The following OLA1 variants were observed in gnomAD, a reference collection of about 807,000 sequenced individuals.
The protein encoded by OLA1 is Obg like ATPase 1, also known as obg-like ATPase 1.
In OLA1, 14 loss-of-function variants were observed where a neutral mutation model predicts 48.4. That is an observed-to-expected ratio of 0.29 (90% CI 0.19 to 0.45). The LOEUF (loss-of-function observed/expected upper bound fraction) is 0.45. OLA1 is among the 20% of genes least tolerant of loss of function. The pLI, the probability that OLA1 is intolerant of heterozygous loss-of-function variation, is 1.00. For missense variants in OLA1, 325 were observed against 467.1 expected, an observed-to-expected ratio of 0.70 and a Z score of 2.80; for synonymous variants, 127 against 150.4, an observed-to-expected ratio of 0.84 and a Z score of 1.14.
intron 7 of OLA1, among the ~76,000 whole-genome samples, chr2:174,110,937 TA>T (rs1339850534): frequency 2.0e-5 from 3 of 152,186 alleles, no homozygotes; most frequent in African/African-American, 7.2e-5. Context: ...GTTTATTATG[TA>T]ATTACAACTG....
chr2:174,158,181 CACCAGG>C (rs1686930319), intron 4 of OLA1, among the ~76,000 whole-genome samples: 1 of 152,156 alleles, frequency 6.6e-6, no homozygotes, highest in Admixed American at 6.5e-5. Context: ...GAGCTATCAC[CACCAGG>C]TGGTGCCAAA....
intron 7 of OLA1, among the ~76,000 whole-genome samples, chr2:174,100,645 T>C (rs1685370315): frequency 6.6e-6 from 1 of 152,164 alleles, no homozygotes. Flanking sequence ...TGGCTTCAAA[T>C]GATCCCCGCC....
intron 4 of OLA1, among the ~76,000 whole-genome samples, chr2:174,147,824 GTTTA>G (rs558899835): frequency 7.0e-6 from 1 of 142,380 alleles, no homozygotes; most frequent in African/African-American, 2.5e-5. Flanking sequence ...TTGTTTGTTT[GTTTA>G]TTTATTTATT....
chr2:174,152,528 A>T (rs1326310013), intron 4 of OLA1, among the ~76,000 whole-genome samples: 14 of 152,264 alleles, frequency 9.2e-5, no homozygotes, highest in Non-Finnish European at 5.9e-5. Context: ...AATAACTAAT[A>T]GCACATTCTG....
chr2:174,208,754 A>G (rs1256212791), intron 4 of OLA1, among the ~76,000 whole-genome samples: 2 of 152,170 alleles, frequency 1.3e-5, no homozygotes, highest in African/African-American at 4.8e-5. Context: ...TCCCTCCTCC[A>G]TGCATATCCA....
At chr2:174,223,825 TA>T (rs1240752756) in intron 3 of OLA1, among the ~76,000 whole-genome samples, 2 of 130,510 alleles carry the variant, frequency 1.5e-5, no homozygotes, top group Non-Finnish European at 3.2e-5. Flanking sequence ...AGCATAGTAA[TA>T]ACCTAGCTGT....
In OLA1 at chr2:174,237,182, GCTTT is replaced by G. The variant is rs575611636; in HGVS notation, c.102-7735_102-7732del. On this transcript the variant is annotated intron_variant, in intron 2 of 10. Coordinates refer to ENST00000284719, the MANE Select transcript of OLA1 (RefSeq NM_013341.5). ...GCTTTTTTATATCTTTAAAATGTGT[GCTTT>G]TTTTAAAAACTTTTTTGTTAAACAC... Among the ~76,000 whole-genome samples the G allele has an allele frequency of 2.7e-5, 4 of 145,912 alleles. No individual in the cohort carries two copies. In the South Asian group the frequency reaches 8.5e-4, roughly 31 times the overall value.
At chr2:174,161,024 G>T (rs1207229308) in intron 4 of OLA1, among the ~76,000 whole-genome samples, 1 of 152,120 alleles carries the variant, frequency 6.6e-6, no homozygotes, top group African/African-American at 2.4e-5. Flanking sequence ...TCTTGGTAAT[G>T]GTGGAAAGAT....
intron 4 of OLA1, among the ~76,000 whole-genome samples, chr2:174,205,063 T>C (rs780638742): frequency 1.2e-4 from 19 of 152,232 alleles, no homozygotes; most frequent in Non-Finnish European, 2.4e-4. Context: ...AGTGTTAAGA[T>C]TGTGGTTCTA....
chr2:174,140,904 T>C (rs1686431109), intron 5 of OLA1, among the ~76,000 whole-genome samples: 1 of 152,056 alleles, frequency 6.6e-6, no homozygotes, highest in African/African-American at 2.4e-5. Context: ...CTCTTACTAG[T>C]TTCATTTTAT....
At chr2:174,148,448 T>G (rs1379665564) in intron 4 of OLA1, among the ~76,000 whole-genome samples, 1 of 152,054 alleles carries the variant, frequency 6.6e-6, no homozygotes, top group African/African-American at 2.4e-5. Flanking sequence ...CAAGGAGAAA[T>G]ACTCACATAA....
chr2:174,126,472 A>G (rs961782520), intron 5 of OLA1, among the ~76,000 whole-genome samples: 1 of 152,170 alleles, frequency 6.6e-6, no homozygotes, highest in Non-Finnish European at 1.5e-5. Flanking sequence ...CTCATTTTCA[A>G]AATAAATTCT....
intron 7 of OLA1, among the ~76,000 whole-genome samples, chr2:174,099,396 C>T (rs779622676): frequency 6.6e-6 from 1 of 152,122 alleles, no homozygotes; most frequent in Non-Finnish European, 1.5e-5. Flanking sequence ...ACTTATGATC[C>T]GCCCGCCTTG....
chr2:174,118,541 C>T (rs1463759417), intron 7 of OLA1, among the ~76,000 whole-genome samples: 1 of 152,164 alleles, frequency 6.6e-6, no homozygotes, highest in Non-Finnish European at 1.5e-5. Context: ...TTTAATTTCA[C>T]ATGACAGAAT....
At chr2:174,225,333 C>T (rs1015095112) in intron 3 of OLA1, among the ~76,000 whole-genome samples, 3 of 152,048 alleles carry the variant, frequency 2.0e-5, no homozygotes, top group Admixed American at 1.3e-4. Flanking sequence ...GGTGGATCAC[C>T]TAAGGTCAGG....
intron 7 of OLA1, among the ~76,000 whole-genome samples, chr2:174,111,866 A>G (rs932551617): frequency 1.3e-5 from 2 of 152,226 alleles, no homozygotes; most frequent in Non-Finnish European, 2.9e-5. Context: ...TCTTGAGAAA[A>G]GTAGCAATAA....
At chr2:174,114,259 G>A (rs1685725077) in intron 7 of OLA1, among the ~76,000 whole-genome samples, 1 of 144,866 alleles carries the variant, frequency 6.9e-6, no homozygotes, top group Non-Finnish European at 1.5e-5. Context: ...GGAGAATGGC[G>A]TGAACCCGGG....
intron 7 of OLA1, among the ~76,000 whole-genome samples, chr2:174,111,121 C>A (rs1685637890): frequency 1.3e-5 from 2 of 152,108 alleles, no homozygotes; most frequent in Non-Finnish European, 2.9e-5. Flanking sequence ...ATTTAATTCT[C>A]ATAATTCTAT....
chr2:174,095,504 A>C (rs1685235287), intron 7 of OLA1, among the ~76,000 whole-genome samples: 1 of 151,908 alleles, frequency 6.6e-6, no homozygotes, highest in Non-Finnish European at 1.5e-5. Flanking sequence ...TGTCTACTCA[A>C]GTCCTCCGCT....
Sources: allele counts gnomAD v4.1 joint callset (sites outside exome capture counted in the v4.1 genomes callset), GRCh38; gene constraint gnomAD v4.1.1; transcripts MANE v1.5; gene names NCBI Gene and HGNC (gene_info 2026-07-23, HGNC 2026-07-21).